Variants in MDGA2 observed in about 807,000 individuals in gnomAD.
MDGA2 encodes MAM domain containing glycosylphosphatidylinositol anchor 2.
MDGA2 carries 40 observed loss-of-function variants against 117.8 expected under a neutral mutation model. The observed-to-expected ratio is 0.34, with a 90% confidence interval of 0.26 to 0.44. MDGA2 has a LOEUF of 0.44. MDGA2 is among the 20% of genes least tolerant of loss of function. The pLI is 1.00. For missense variants in MDGA2, 1,123 were observed against 1,250.6 expected, an observed-to-expected ratio of 0.90 and a Z score of 1.54; for synonymous variants, 452 against 439.0, an observed-to-expected ratio of 1.03 and a Z score of -0.37.
At chr14:47,223,471 G>A (rs1431776058) in intron 2 of MDGA2, among the ~76,000 whole-genome samples, 1 of 152,124 alleles carries the variant, frequency 6.6e-6, no homozygotes, top group Non-Finnish European at 1.5e-5. Context: ...CAGGCAAAAA[G>A]CAGCTGCTAC....
chr14:47,497,135 C>T (rs1223995510), intron 1 of MDGA2, among the ~76,000 whole-genome samples: 1 of 151,890 alleles, frequency 6.6e-6, no homozygotes, highest in East Asian at 1.9e-4. Context: ...GTTGGAGACC[C>T]CTGAAAAAGG....
chr14:47,297,106 G>GTTT (rs1889099840), intron 2 of MDGA2, among the ~76,000 whole-genome samples: 1 of 152,110 alleles, frequency 6.6e-6, no homozygotes, highest in African/African-American at 2.4e-5. Flanking sequence ...CATACTTGGT[G>GTTT]TTTTGGACAC....
At chr14:46,902,260 T>C (rs2138450349) in intron 10 of MDGA2, among the ~76,000 whole-genome samples, 1 of 152,338 alleles carries the variant, frequency 6.6e-6, no homozygotes, top group East Asian at 1.9e-4. Context: ...TTTGTTTACT[T>C]CCCAATGTTA....
chr14:47,651,741 G>T lies in MDGA2; in HGVS notation c.280+22776C>A, dbSNP rs138207586. 1.6e-4 allele frequency among the ~76,000 whole-genome samples: 24 copies of T among 152,162 alleles called. No homozygotes were observed. In the South Asian group the frequency reaches 2.9e-3, roughly 18 times the overall value. On this transcript the variant is annotated intron_variant, in intron 1 of 16. Coordinates refer to ENST00000399232, the MANE Select transcript of MDGA2 (RefSeq NM_001113498.3). Reference sequence around the variant, plus strand: ...GGAAGGGATAACGGTGGTGGCAGTGGTACATCTGAGATCTATTTTGCAGAA... The same window carrying T: ...GGAAGGGATAACGGTGGTGGCAGTGTTACATCTGAGATCTATTTTGCAGAA...
At chr14:47,405,067 CA>C (rs1892233380) in intron 1 of MDGA2, among the ~76,000 whole-genome samples, 1 of 152,062 alleles carries the variant, frequency 6.6e-6, no homozygotes, top group Non-Finnish European at 1.5e-5. Flanking sequence ...GCTTTCTAAG[CA>C]ATATCTCAAA....
chr14:47,526,204 T>G (rs1894970362), intron 1 of MDGA2, among the ~76,000 whole-genome samples: 1 of 152,190 alleles, frequency 6.6e-6, no homozygotes, highest in Admixed American at 6.5e-5. Context: ...CTAAATAATC[T>G]ATTAAATATG....
chr14:46,913,934 AT>A (rs1236034211), intron 10 of MDGA2, among the ~76,000 whole-genome samples: 2 of 152,202 alleles, frequency 1.3e-5, no homozygotes, highest in Non-Finnish European at 2.9e-5. Flanking sequence ...ATAATTCTAA[AT>A]ATTTTAATAC....
intron 2 of MDGA2, among the ~76,000 whole-genome samples, chr14:47,296,036 T>G (rs1005545765): frequency 6.6e-6 from 1 of 151,974 alleles, no homozygotes; most frequent in Non-Finnish European, 1.5e-5. Context: ...AACAGTAAGG[T>G]GCAGACTAAT....
intron 1 of MDGA2, among the ~76,000 whole-genome samples, chr14:47,363,024 A>G (rs958535628): frequency 3.3e-5 from 5 of 152,168 alleles, no homozygotes; most frequent in Admixed American, 2.6e-4. Flanking sequence ...ACAATTTTCT[A>G]TCCTTGCAAA....
At chr14:47,012,756 C>T (rs1378170338) in intron 8 of MDGA2, among the ~76,000 whole-genome samples, 2 of 152,076 alleles carry the variant, frequency 1.3e-5, no homozygotes, top group Non-Finnish European at 2.9e-5. Context: ...TTGGCATGTA[C>T]AAGCATACCT....
chr14:47,019,655 A>G (rs922558667), intron 8 of MDGA2, among the ~76,000 whole-genome samples: 2 of 151,962 alleles, frequency 1.3e-5, no homozygotes, highest in East Asian at 3.9e-4. Flanking sequence ...CATCCTGATT[A>G]ACACGGTGAA....
At chr14:47,120,210 A>G (rs1015578209) in intron 5 of MDGA2, among the ~76,000 whole-genome samples, 2 of 152,134 alleles carry the variant, frequency 1.3e-5, no homozygotes, top group Non-Finnish European at 2.9e-5. Flanking sequence ...TGTCACACCT[A>G]TTTGTGCCCA....
At chr14:47,197,161 T>C (rs1446101178) in intron 3 of MDGA2, among the ~76,000 whole-genome samples, 2 of 152,216 alleles carry the variant, frequency 1.3e-5, no homozygotes, top group Non-Finnish European at 1.5e-5. Flanking sequence ...TAATACGTAA[T>C]ACATATTTAT....
chr14:47,089,551 G>A (rs544748972), intron 6 of MDGA2, among the ~76,000 whole-genome samples: 9 of 152,006 alleles, frequency 5.9e-5, no homozygotes, highest in African/African-American at 2.2e-4. Context: ...AATTTCTGCA[G>A]TTTTTAGTAG....
Position 47,375,536 on chromosome 14 carries a change from C to A in MDGA2, c.281-73986G>T, listed in dbSNP as rs80343223. The stretch of plus-strand genomic sequence containing the variant: ...AAATCTGCCATTTTCTAATGTCAGA[C>A]CTTAAAAAAAAGAATATTAACTTTT... On this transcript the variant is annotated intron_variant, in intron 1 of 16. Transcript: ENST00000399232. 7.0e-3 allele frequency among the ~76,000 whole-genome samples: 1,069 copies of A among 151,972 alleles called. 12 individuals are homozygous for A. Among genetic ancestry groups the A allele is most frequent in the African/African-American group, 0.025 (1,021 of 41,488 alleles).
intron 15 of MDGA2, among the ~76,000 whole-genome samples, chr14:46,852,615 G>T (rs890465950): frequency 3.3e-5 from 5 of 151,802 alleles, no homozygotes; most frequent in African/African-American, 1.2e-4. Flanking sequence ...AGAAACAGAG[G>T]GGTGAATTTG....
In MDGA2 at chr14:46,957,638, G is replaced by C; in HGVS notation, c.1825C>G (p.Pro609Ala). 2.5e-6 allele frequency: 4 copies of C among 1,614,036 alleles called. No homozygotes were observed. The highest frequency in any genetic ancestry group is 3.4e-6 in the Non-Finnish European group (4 of 1,179,930). ...ALVQLIVQYP[P>A]AVEPAFLEIR... is the part of the protein sequence containing the mutation. ...TCCAAGAATGCTGGTTCCACTGCAG[G>C]GGGATCTGTAGAAAAGATATGTAAA... is the stretch of plus-strand genomic sequence containing the variant. Residue 609 changes from proline to alanine, a missense_variant, in exon 9 of 17, where the codon CCT becomes GCT. This residue lies in a region of MDGA2 where 890 missense variants were observed against 1,050.3 expected (regional missense o/e 0.85). Transcript: ENST00000399232.
intron 8 of MDGA2, among the ~76,000 whole-genome samples, chr14:47,018,765 C>T (rs575350865): frequency 1.6e-5 from 1 of 63,208 alleles, no homozygotes; most frequent in Non-Finnish European, 3.9e-5. Context: ...AAAAAAAAGT[C>T]TCCATTGAGA....
chr14:47,390,685 G>T (rs989921566), intron 1 of MDGA2, among the ~76,000 whole-genome samples: 1 of 152,170 alleles, frequency 6.6e-6, no homozygotes, highest in Non-Finnish European at 1.5e-5. Context: ...TTTCTGTGAT[G>T]CAGGTTACAT....
Sources: gnomAD v4.1 joint callset for allele counts (sites outside exome capture counted in the v4.1 genomes callset) on GRCh38, gnomAD v4.1.1 for gene constraint, gnomAD v4.1.1 regional missense constraint, MANE v1.5 for transcripts, NCBI Gene and HGNC (gene_info 2026-07-23, HGNC 2026-07-21) for gene names.